KCNIP4: variants seen among roughly 807,000 people sequenced by gnomAD.
KCNIP4 encodes potassium voltage-gated channel interacting protein 4, also known as Kv channel-interacting protein 4.
A neutral mutation model predicts 34.0 loss-of-function variants in KCNIP4; 12 were observed. The ratio of observed to expected loss-of-function variants is 0.35; its 90% CI spans 0.23 to 0.57. The LOEUF (loss-of-function observed/expected upper bound fraction) is 0.57. Among genes scored for constraint, KCNIP4 ranks in the 20% least tolerant of loss-of-function variants. The pLI, the probability that KCNIP4 is intolerant of heterozygous loss-of-function variation, is 0.83. For synonymous variants in KCNIP4, 124 were observed against 102.2 expected (o/e 1.21, Z -1.29); for missense variants, 238 against 311.7 (o/e 0.76, Z 1.78).
chr4:21,222,477 T>G (rs1022042090), intron 1 of KCNIP4, among the ~76,000 whole-genome samples: 2 of 152,158 alleles, frequency 1.3e-5, no homozygotes, highest in African/African-American at 4.8e-5. Context: ...TCTTTCAATT[T>G]TATAAATGTT....
chr4:21,305,262 T>C (rs1397312691), intron 1 of KCNIP4, among the ~76,000 whole-genome samples: 2 of 152,176 alleles, frequency 1.3e-5, no homozygotes, highest in African/African-American at 4.8e-5. Context: ...CAGTGGAGTA[T>C]AAGTTTAGAA....
intron 1 of KCNIP4, among the ~76,000 whole-genome samples, chr4:21,409,793 G>A (rs1290359396): frequency 6.6e-6 from 1 of 152,130 alleles, no homozygotes; most frequent in Non-Finnish European, 1.5e-5. Context: ...GAACTGAGGG[G>A]ACCATGCATG....
In KCNIP4 at chr4:21,794,186, C is replaced by T. The variant is rs925180517; in HGVS notation, c.61+154385G>A. On this transcript the variant is annotated intron_variant, in intron 1 of 8. Coordinates refer to ENST00000382152, the MANE Select transcript of KCNIP4 (RefSeq NM_025221.6). ...ATACCTAATGTAAATGACTAGTTAACGGGTGCAGCACACCAACATGGCATA... is the reference window on the plus strand; with the variant it reads ...ATACCTAATGTAAATGACTAGTTAATGGGTGCAGCACACCAACATGGCATA... Among the ~76,000 whole-genome samples, 8 of 152,134 alleles carry T rather than the reference C, an allele frequency of 5.3e-5. 1 individual carries two copies. Among genetic ancestry groups the T allele is most frequent in the Non-Finnish European group, 4.4e-5 (3 of 67,998 alleles).
intron 1 of KCNIP4, among the ~76,000 whole-genome samples, chr4:21,914,527 C>G (rs1728522333): frequency 6.6e-6 from 1 of 152,134 alleles, no homozygotes. Context: ...ATGTGTCTCT[C>G]TGTCTAAAAT....
At chr4:21,868,728 C>T (rs1725578844) in intron 1 of KCNIP4, among the ~76,000 whole-genome samples, 1 of 152,112 alleles carries the variant, frequency 6.6e-6, no homozygotes, top group Non-Finnish European at 1.5e-5. Context: ...AATGAGAATC[C>T]ATCCTGAAAC....
chr4:21,599,125 G>A lies in KCNIP4; in HGVS notation c.61+349446C>T, dbSNP rs557525808. ...TCCTCTGTTCAGTTAGCTCCTGTGTGGAGACAGGGACCCTTCGGGAAATGT... is the reference window on the plus strand; with the variant it reads ...TCCTCTGTTCAGTTAGCTCCTGTGTAGAGACAGGGACCCTTCGGGAAATGT... On this transcript the variant is annotated intron_variant, in intron 1 of 8. Transcript: ENST00000382152. Among the ~76,000 whole-genome samples the A allele has an allele frequency of 2.6e-5, 4 of 152,200 alleles. No individual in the cohort carries two copies. The East Asian group carries it at 7.7e-4, about 29-fold the overall frequency.
At chr4:21,640,960 G>A (rs1403953831) in intron 1 of KCNIP4, among the ~76,000 whole-genome samples, 1 of 152,174 alleles carries the variant, frequency 6.6e-6, no homozygotes, top group Admixed American at 6.5e-5. Context: ...ACTCTCTGCA[G>A]ATAACTACTT....
In KCNIP4 at chr4:21,227,321, T is replaced by C. The variant is rs188711259; in HGVS notation, c.62-344612A>G. Among the ~76,000 whole-genome samples the C allele has an allele frequency of 1.9e-3, 291 of 152,278 alleles. 1 individual carries two copies. Among genetic ancestry groups the C allele is most frequent in the Non-Finnish European group, 3.0e-3 (204 of 68,024 alleles). ...GAATCTCGCAAACCAAAAGCACTTT[T>C]CCAATTCTGCATTAATAGATGTTTA... On this transcript the variant is annotated intron_variant, in intron 1 of 8. Coordinates refer to ENST00000382152, the MANE Select transcript of KCNIP4 (RefSeq NM_025221.6).
At chr4:21,576,155 C>A (rs867272305) in intron 1 of KCNIP4, among the ~76,000 whole-genome samples, 5 of 152,178 alleles carry the variant, frequency 3.3e-5, no homozygotes, top group Non-Finnish European at 7.3e-5. Flanking sequence ...AATGCTGCTA[C>A]TCAACATTTG....
At chr4:21,547,369 T>A (rs1318043772) in intron 1 of KCNIP4, among the ~76,000 whole-genome samples, 1 of 152,144 alleles carries the variant, frequency 6.6e-6, no homozygotes, top group African/African-American at 2.4e-5. Flanking sequence ...ACTAAATATA[T>A]ACATATTTAT....
At chr4:21,397,316 C>T (rs981572725) in intron 1 of KCNIP4, among the ~76,000 whole-genome samples, 2 of 152,082 alleles carry the variant, frequency 1.3e-5, no homozygotes, top group Non-Finnish European at 2.9e-5. Flanking sequence ...TTACAAAATG[C>T]CCTGGAAACA....
At chr4:21,150,583 T>C (rs983321999) in intron 1 of KCNIP4, among the ~76,000 whole-genome samples, 10 of 152,096 alleles carry the variant, frequency 6.6e-5, no homozygotes, top group African/African-American at 2.4e-4. Flanking sequence ...ATTGGAGGAG[T>C]TTATAAGCAT....
intron 5 of KCNIP4, among the ~76,000 whole-genome samples, chr4:20,744,264 C>T (rs999916042): frequency 3.3e-5 from 5 of 152,160 alleles, no homozygotes; most frequent in Non-Finnish European, 5.9e-5. Context: ...ACTGGGTATA[C>T]ACCCAAAGGA....
chr4:21,322,221 T>G (rs966566102), intron 1 of KCNIP4, among the ~76,000 whole-genome samples: 2 of 151,910 alleles, frequency 1.3e-5, no homozygotes, highest in Non-Finnish European at 2.9e-5. Context: ...CCCACTGTAT[T>G]TAACAGAAAA....
chr4:21,259,253 G>A (rs867015168), intron 1 of KCNIP4, among the ~76,000 whole-genome samples: 3 of 152,160 alleles, frequency 2.0e-5, no homozygotes, highest in Non-Finnish European at 2.9e-5. Context: ...CATTACATCC[G>A]TGAATGCCTG....
At position 20,730,171 on chromosome 4, in the gene KCNIP4, G is replaced by A. The variant is rs1230194460; in HGVS notation, c.706-42C>T. Reference sequence around the variant, plus strand: ...CAGAGCGATTAAATTCAGCATATCTGCAAGGAAAAGTACACTATTTTGCCC... The same window carrying A: ...CAGAGCGATTAAATTCAGCATATCTACAAGGAAAAGTACACTATTTTGCCC... On this transcript the variant is annotated intron_variant, in intron 8 of 8. Coordinates refer to ENST00000382152, the MANE Select transcript of KCNIP4 (RefSeq NM_025221.6). 7.6e-6 allele frequency: 12 copies of A among 1,577,680 alleles called. No homozygotes were observed. The South Asian group carries it at 1.2e-4, about 16-fold the overall frequency.
chr4:21,114,688 T>C (rs1749537178), intron 1 of KCNIP4, among the ~76,000 whole-genome samples: 3 of 152,182 alleles, frequency 2.0e-5, no homozygotes, highest in Non-Finnish European at 4.4e-5. Context: ...CACTACTCAG[T>C]ACTTTATTAT....
intron 1 of KCNIP4, among the ~76,000 whole-genome samples, chr4:21,601,150 T>A (rs1416166920): frequency 6.6e-6 from 1 of 151,702 alleles, no homozygotes; most frequent in Non-Finnish European, 1.5e-5. Context: ...CTAGCACCAA[T>A]CTCCCTCCTC....
At chr4:21,247,837 A>ACC (rs1760383973) in intron 1 of KCNIP4, among the ~76,000 whole-genome samples, 1 of 124,182 alleles carries the variant, frequency 8.1e-6, no homozygotes, top group African/African-American at 3.2e-5. Flanking sequence ...ACACACAGAC[A>ACC]CCACAGGTGG....
Sources: gnomAD v4.1 joint callset for allele counts (sites outside exome capture counted in the v4.1 genomes callset) on GRCh38, gnomAD v4.1.1 for gene constraint, MANE v1.5 for transcripts, NCBI Gene and HGNC (gene_info 2026-07-23, HGNC 2026-07-21) for gene names.